Variants in SPIDR observed in about 807,000 individuals in gnomAD.
The protein encoded by SPIDR is scaffold protein involved in DNA repair.
Under a neutral mutation model 104.6 loss-of-function variants are expected in SPIDR, and 93 were observed. That is an observed-to-expected ratio of 0.89 (90% confidence interval 0.75 to 1.06). The LOEUF (loss-of-function observed/expected upper bound fraction) is 1.06, where lower values mean the gene tolerates loss of function less well. Among genes scored for constraint, SPIDR ranks in the 50% least tolerant of loss-of-function variants. The pLI, the probability that SPIDR is intolerant of heterozygous loss-of-function variation, is 0.00. For missense variants in SPIDR, 1,154 were observed against 1,111.2 expected, an observed-to-expected ratio of 1.04 and a Z score of -0.55; for synonymous variants, 431 against 416.9, an observed-to-expected ratio of 1.03 and a Z score of -0.41.
chr8:47,370,837 T>TA (rs2057918616), intron 5 of SPIDR, among the ~76,000 whole-genome samples: 1 of 152,148 alleles, frequency 6.6e-6, no homozygotes, highest in Middle Eastern at 3.4e-3. Context: ...AATTTTAAGT[T>TA]AAAAAAATAA....
intron 8 of SPIDR, among the ~76,000 whole-genome samples, chr8:47,581,264 T>C (rs2059668472): frequency 6.6e-6 from 1 of 152,228 alleles, no homozygotes; most frequent in African/African-American, 2.4e-5. Flanking sequence ...GATCCTAGTT[T>C]ATTTTTTATT....
At chr8:47,727,721 G>A (rs959022776) in intron 17 of SPIDR, among the ~76,000 whole-genome samples, 2 of 152,180 alleles carry the variant, frequency 1.3e-5, no homozygotes, top group Non-Finnish European at 2.9e-5. Context: ...CTCAGGGTCT[G>A]GGCCAGTGTC....
chr8:47,529,639 A>T (rs1244068061), intron 8 of SPIDR, among the ~76,000 whole-genome samples: 1 of 152,142 alleles, frequency 6.6e-6, no homozygotes, highest in Non-Finnish European at 1.5e-5. Context: ...AGAAATTGAG[A>T]TATACATAAA....
At chr8:47,435,075 C>G (rs1292038259) in intron 7 of SPIDR, among the ~76,000 whole-genome samples, 1 of 151,948 alleles carries the variant, frequency 6.6e-6, no homozygotes, top group African/African-American at 2.4e-5. Flanking sequence ...CTGACTATAA[C>G]CTCAAATTCC....
At chr8:47,456,005 T>TA (rs1172523035) in intron 8 of SPIDR, among the ~76,000 whole-genome samples, 1 of 152,134 alleles carries the variant, frequency 6.6e-6, no homozygotes, top group Non-Finnish European at 1.5e-5. Flanking sequence ...CAATTAGACC[T>TA]AACATGTGTA....
chr8:47,362,703 A>G (rs927159533), intron 5 of SPIDR, among the ~76,000 whole-genome samples: 19 of 152,326 alleles, frequency 1.2e-4, no homozygotes, highest in African/African-American at 4.6e-4. Flanking sequence ...CCCAGGCTGG[A>G]GTGCAGTGGC....
intron 8 of SPIDR, among the ~76,000 whole-genome samples, chr8:47,506,009 TA>T (rs1159913216): frequency 6.6e-6 from 1 of 152,250 alleles, no homozygotes; most frequent in East Asian, 1.9e-4. Context: ...AATCTTAAAC[TA>T]TAAAATGGAA....
chr8:47,582,104 C>T (rs2154411810), intron 8 of SPIDR, among the ~76,000 whole-genome samples: 2 of 152,100 alleles, frequency 1.3e-5, no homozygotes, highest in Admixed American at 1.3e-4. Flanking sequence ...GTAATCTCAG[C>T]TACTCTGGAG....
intron 8 of SPIDR, among the ~76,000 whole-genome samples, chr8:47,591,618 A>G (rs931503751): frequency 6.6e-6 from 1 of 152,122 alleles, no homozygotes; most frequent in Non-Finnish European, 1.5e-5. Flanking sequence ...TAATGTTCCC[A>G]TTTTGGTTCA....
chr8:47,472,249 C>T (rs1487245858), intron 8 of SPIDR, among the ~76,000 whole-genome samples: 4 of 152,196 alleles, frequency 2.6e-5, no homozygotes, highest in African/African-American at 4.8e-5. Context: ...GGGCTAACCC[C>T]TCCTTCACAT....
At chr8:47,267,199 T>A (rs985785869) in intron 1 of SPIDR, among the ~76,000 whole-genome samples, 17 of 152,144 alleles carry the variant, frequency 1.1e-4, no homozygotes, top group Non-Finnish European at 2.4e-4. Context: ...CTTTTTTTTT[T>A]AATTGAGATC....
chr8:47,435,552 A>G (rs2068143422), intron 7 of SPIDR, among the ~76,000 whole-genome samples: 1 of 152,046 alleles, frequency 6.6e-6, no homozygotes, highest in Non-Finnish European at 1.5e-5. Flanking sequence ...TCTTCATTGA[A>G]TCTTTCTGTT....
At chr8:47,734,881 G>T (rs1424046304) in intron 19 of SPIDR, among the ~76,000 whole-genome samples, 1 of 152,184 alleles carries the variant, frequency 6.6e-6, no homozygotes, top group African/African-American at 2.4e-5. Context: ...TCCTATTAAG[G>T]AAGGAAGTTT....
intron 8 of SPIDR, among the ~76,000 whole-genome samples, chr8:47,469,296 G>A (rs1323168160): frequency 2.6e-5 from 4 of 152,134 alleles, no homozygotes; most frequent in Non-Finnish European, 5.9e-5. Context: ...CATTCCTGTG[G>A]AAAACAGCAT....
intron 11 of SPIDR, among the ~76,000 whole-genome samples, chr8:47,686,978 CA>C (rs2154478079): frequency 6.6e-6 from 1 of 150,918 alleles, no homozygotes; most frequent in East Asian, 1.9e-4. Context: ...TACTTATTAA[CA>C]AAAATAATTA....
At chr8:47,608,957 G>A (rs549503260) in intron 10 of SPIDR, among the ~76,000 whole-genome samples, 57 of 152,294 alleles carry the variant, frequency 3.7e-4, no homozygotes, top group Non-Finnish European at 5.9e-4. Flanking sequence ...TCTATCTCTC[G>A]ACCTCATCAT....
rs367556269 is a variant in SPIDR at position 47,279,484 on chromosome 8, TCAGA to T, written c.34-375_34-372del. ...GTTTCAGGCGCTCTTCTCAGTTCTA[TCAGA>T]CACTGTTCTCAGATCTGTTGCTTGC... On this transcript the variant is annotated intron_variant, in intron 1 of 19. Transcript: ENST00000297423. The T allele has an allele frequency of 9.8e-3, 1,677 of 171,022 alleles. 9 individuals are homozygous for T. The highest frequency in any genetic ancestry group is 0.016 in the Non-Finnish European group (1,244 of 78,766). The allele number at this position is 171,022 out of a possible 1,614,324, so 10.6% of individuals were successfully genotyped here. A position where few individuals can be genotyped will look rare whatever the true frequency, so the allele number is the denominator to read the frequency against.
chr8:47,564,319 T>C (rs1468076793), intron 8 of SPIDR, among the ~76,000 whole-genome samples: 1 of 151,936 alleles, frequency 6.6e-6, no homozygotes, highest in African/African-American at 2.4e-5. Context: ...CTTTGTGATC[T>C]GCCCGGCTCA....
chr8:47,274,727 GA>G (rs2036028877), intron 1 of SPIDR, among the ~76,000 whole-genome samples: 2 of 150,944 alleles, frequency 1.3e-5, no homozygotes. Flanking sequence ...CAGGCACCGC[GA>G]CCACACCCGG....
Sources: allele counts gnomAD v4.1 joint callset (sites outside exome capture counted in the v4.1 genomes callset), GRCh38; gene constraint gnomAD v4.1.1; transcripts MANE v1.5; gene names NCBI Gene and HGNC (gene_info 2026-07-23, HGNC 2026-07-21).